RBMS1: variants seen among roughly 807,000 people sequenced by gnomAD.
RBMS1 encodes the protein RNA-binding motif, single-stranded-interacting protein 1.
A neutral mutation model predicts 62.3 loss-of-function variants in RBMS1; 17 were observed. The ratio of observed to expected loss-of-function variants is 0.27; its 90% CI spans 0.19 to 0.41. RBMS1 has a LOEUF of 0.41. RBMS1 is among the 10% of genes least tolerant of loss of function. The probability of loss-of-function intolerance (pLI) is 1.00; values close to 1 mark genes in which losing one functional copy is unlikely to be tolerated. For missense variants in RBMS1, 334 were observed against 504.5 expected (o/e 0.66, Z 3.24); for synonymous variants, 172 against 170.0 (o/e 1.01, Z -0.09).
At position 160,275,563 on chromosome 2, in the gene RBMS1, T is replaced by A. The variant is rs983796519; in HGVS notation, c.*7+67A>T. On this transcript the variant is annotated intron_variant, in intron 13 of 13. Transcript: ENST00000348849. ...GAGTTATCCCAATCACCATTCTGAT[T>A]TTAAAAAAAGCCCTATAGATTGTGC... 14 of 1,550,260 alleles carry A rather than the reference T, an allele frequency of 9.0e-6. No individual in the cohort carries two copies. In the African/African-American group the frequency reaches 1.8e-4, roughly 20 times the overall value.
chr2:160,476,935 C>A (rs891334893), intron 1 of RBMS1, among the ~76,000 whole-genome samples: 2 of 152,124 alleles, frequency 1.3e-5, no homozygotes, highest in Non-Finnish European at 2.9e-5. Context: ...TTATAAAGTA[C>A]GATATAAAAC....
At chr2:160,408,150 T>G (rs1260227718) in intron 1 of RBMS1, among the ~76,000 whole-genome samples, 4 of 151,334 alleles carry the variant, frequency 2.6e-5, no homozygotes, top group Non-Finnish European at 5.9e-5. Flanking sequence ...TTCCTCGGAG[T>G]AGCCAACCCC....
At chr2:160,428,628 G>A (rs964627815) in intron 1 of RBMS1, among the ~76,000 whole-genome samples, 1 of 152,130 alleles carries the variant, frequency 6.6e-6, no homozygotes, top group African/African-American at 2.4e-5. Context: ...GGATAGGTTG[G>A]ATCGGCTTCC....
intron 6 of RBMS1, among the ~76,000 whole-genome samples, chr2:160,289,783 T>C (rs10208268): frequency 0.59 from 88,817 of 151,522 alleles, 26,508 homozygotes; most frequent in Admixed American, 0.68. Context: ...TCTTTGACAA[T>C]TGCTGTTCCA....
Position 160,284,763 on chromosome 2 carries a change from A to G in RBMS1, c.900+12T>C. On this transcript the variant is annotated intron_variant, in intron 9 of 13. Coordinates refer to ENST00000348849, the MANE Select transcript of RBMS1 (RefSeq NM_016836.4). ...AGTGGTTATACTGCTGACGAATCCT[A>G]AAGGTACAAACCTGGTAGGCAGATA... 1.3e-6 allele frequency: 2 copies of G among 1,556,034 alleles called. No homozygotes were observed. Among genetic ancestry groups the G allele is most frequent in the Non-Finnish European group, 1.8e-6 (2 of 1,127,152 alleles).
At chr2:160,397,283 T>C (rs888049002) in intron 1 of RBMS1, among the ~76,000 whole-genome samples, 1 of 152,076 alleles carries the variant, frequency 6.6e-6, no homozygotes, top group Non-Finnish European at 1.5e-5. Context: ...TTTTATTTTA[T>C]AGAATCTGAA....
intron 1 of RBMS1, among the ~76,000 whole-genome samples, chr2:160,393,722 A>G (rs926440158): frequency 2.0e-5 from 3 of 151,310 alleles, no homozygotes; most frequent in Admixed American, 6.6e-5. Flanking sequence ...GGCTGTGATG[A>G]GCTGAGATCA....
At chr2:160,351,858 A>AT (rs1321917356) in intron 2 of RBMS1, among the ~76,000 whole-genome samples, 1 of 152,146 alleles carries the variant, frequency 6.6e-6, no homozygotes, top group Non-Finnish European at 1.5e-5. Context: ...TCCTTCTGTG[A>AT]TTTTAAGGGT....
chr2:160,458,392 A>T (rs945477824), intron 1 of RBMS1, among the ~76,000 whole-genome samples: 3 of 152,240 alleles, frequency 2.0e-5, no homozygotes, highest in Non-Finnish European at 4.4e-5. Flanking sequence ...ATCTTTACAC[A>T]GGATAGAGAG....
intron 2 of RBMS1, among the ~76,000 whole-genome samples, chr2:160,319,427 G>T (rs1690421966): frequency 6.6e-6 from 1 of 152,082 alleles, no homozygotes; most frequent in Admixed American, 6.5e-5. Context: ...CAGGAGAATC[G>T]CATGAACCGG....
intron 2 of RBMS1, among the ~76,000 whole-genome samples, chr2:160,323,185 T>TA (rs1294413855): frequency 3.0e-4 from 43 of 141,894 alleles, no homozygotes; most frequent in Middle Eastern, 3.4e-3. Context: ...TTTTTTTTTT[T>TA]AAATCATCAG....
chr2:160,424,976 A>G (rs1015508890), intron 1 of RBMS1, among the ~76,000 whole-genome samples: 6 of 152,132 alleles, frequency 3.9e-5, no homozygotes, highest in African/African-American at 7.2e-5. Flanking sequence ...ATTAAGATGA[A>G]GATCTGAAGG....
chr2:160,393,498 C>T (rs1694966461), intron 1 of RBMS1, among the ~76,000 whole-genome samples: 1 of 152,054 alleles, frequency 6.6e-6, no homozygotes, highest in South Asian at 2.1e-4. Context: ...GCCAAGCTGG[C>T]CGGGCGCGGT....
In RBMS1 at chr2:160,452,016, T is replaced by A. The variant is rs547904274; in HGVS notation, c.75+41273A>T. 3.3e-5 allele frequency among the ~76,000 whole-genome samples: 5 copies of A among 152,244 alleles called. No individual in the cohort carries two copies. The East Asian group carries it at 9.6e-4, about 29-fold the overall frequency. ...TTTTATCTATCTAATGAAAACCAAA[T>A]AAAACCTGAATAAAAGCAAACTTGA... On this transcript the variant is annotated intron_variant, in intron 1 of 13. Transcript: ENST00000348849.
intron 1 of RBMS1, among the ~76,000 whole-genome samples, chr2:160,437,301 G>C (rs1377299172): frequency 6.6e-6 from 1 of 152,162 alleles, no homozygotes; most frequent in Non-Finnish European, 1.5e-5. Context: ...TGAGAAGGGA[G>C]AAGTGCAAAG....
intron 1 of RBMS1, among the ~76,000 whole-genome samples, chr2:160,448,868 C>G (rs1683803862): frequency 6.6e-6 from 1 of 151,816 alleles, no homozygotes; most frequent in Admixed American, 6.6e-5. Context: ...TGCCTGGCCG[C>G]CCATCGTCTG....
At chr2:160,314,235 T>A (rs896519734) in intron 3 of RBMS1, among the ~76,000 whole-genome samples, 2 of 152,128 alleles carry the variant, frequency 1.3e-5, no homozygotes, top group African/African-American at 4.8e-5. Flanking sequence ...AAATAGAGAA[T>A]CACAGACTTT....
intron 11 of RBMS1, 194 bp downstream of exon 11, chr2:160,278,354 A>G (rs1220387205): frequency 4.9e-6 from 3 of 611,232 alleles, no homozygotes; most frequent in Non-Finnish European, 8.8e-6. Flanking sequence ...AGATACCCAG[A>G]GAATAGACTT....
At chr2:160,472,330 G>C (rs957967614) in intron 1 of RBMS1, among the ~76,000 whole-genome samples, 9 of 152,146 alleles carry the variant, frequency 5.9e-5, no homozygotes, top group Non-Finnish European at 8.8e-5. Context: ...ATTTCTGAGT[G>C]ATAGAACTAT....
Sources: allele counts gnomAD v4.1 joint callset (sites outside exome capture counted in the v4.1 genomes callset), GRCh38; gene constraint gnomAD v4.1.1; transcripts MANE v1.5; gene names NCBI Gene and HGNC (gene_info 2026-07-23, HGNC 2026-07-21).